The following GALNT18 variants were observed in gnomAD, a reference collection of about 807,000 sequenced individuals.
The protein encoded by GALNT18 is polypeptide N-acetylgalactosaminyltransferase 18, also known as GalNAc-transferase 18.
GALNT18 carries 44 observed loss-of-function variants against 69.5 expected under a neutral mutation model. That is an observed-to-expected ratio of 0.63 (90% CI 0.50 to 0.81). The LOEUF (loss-of-function observed/expected upper bound fraction) is 0.81. GALNT18 is among the 40% of genes least tolerant of loss of function. The pLI, the probability that GALNT18 is intolerant of heterozygous loss-of-function variation, is 0.00. For synonymous variants in GALNT18, 364 were observed against 318.2 expected (o/e 1.14, Z -1.53); for missense variants, 715 against 810.0 (o/e 0.88, Z 1.42).
At chr11:11,507,602 T>G (rs903934357) in intron 1 of GALNT18, among the ~76,000 whole-genome samples, 1 of 152,208 alleles carries the variant, frequency 6.6e-6, no homozygotes, top group Non-Finnish European at 1.5e-5. Context: ...TGTGAAATAT[T>G]TCTACAAACC....
intron 3 of GALNT18, among the ~76,000 whole-genome samples, chr11:11,423,032 C>T (rs920266006): frequency 2.6e-5 from 4 of 152,164 alleles, no homozygotes; most frequent in African/African-American, 7.2e-5. Flanking sequence ...TGCCCATGTG[C>T]CTGTATATGC....
chr11:11,569,066 T>C (rs1183554212), intron 1 of GALNT18, among the ~76,000 whole-genome samples: 3 of 152,200 alleles, frequency 2.0e-5, no homozygotes, highest in African/African-American at 7.2e-5. Flanking sequence ...TTGTATATTC[T>C]GTGGCCACCC....
intron 9 of GALNT18, among the ~76,000 whole-genome samples, chr11:11,308,695 A>G (rs1760883936): frequency 6.6e-6 from 1 of 152,156 alleles, no homozygotes; most frequent in African/African-American, 2.4e-5. Flanking sequence ...TGTAAAAAAC[A>G]TCTCCTCTGT....
At position 11,598,939 on chromosome 11, in the gene GALNT18, G is replaced by A. The variant is rs1590130076; in HGVS notation, c.235+22420C>T. ...TTCAATTACATTTCACGTGGCCAGAGAATGTACTTTGTTCATTTTAAAGGA... is the reference window on the plus strand; with the variant it reads ...TTCAATTACATTTCACGTGGCCAGAAAATGTACTTTGTTCATTTTAAAGGA... On this transcript the variant is annotated intron_variant, in intron 1 of 10. Transcript: ENST00000227756. The surrounding 1 kb of genome is among the most constrained non-coding windows in gnomAD (Gnocchi z 4.8). Among the ~76,000 whole-genome samples, 5 of 152,040 alleles carry A rather than the reference G, an allele frequency of 3.3e-5. No individual in the cohort carries two copies. Among genetic ancestry groups the A allele is most frequent in the Admixed American group, 3.3e-4 (5 of 15,266 alleles).
At position 11,276,144 on chromosome 11, in the gene GALNT18, T is replaced by C. The variant is rs147416095; in HGVS notation, c.1678-4854A>G. ...GGGCAGTATGGCCATTTTCATGATA[T>C]TGATTCTTCCCACCCATGAGCGTGG... On this transcript the variant is annotated intron_variant, in intron 10 of 10. Coordinates refer to ENST00000227756, the MANE Select transcript of GALNT18 (RefSeq NM_198516.3). Among the ~76,000 whole-genome samples the C allele has an allele frequency of 5.6e-3, 856 of 152,322 alleles. 8 individuals are homozygous for C. The highest frequency in any genetic ancestry group is 0.019 in the African/African-American group (801 of 41,560).
rs966225871 is a variant in GALNT18, at chr11:11,387,328, C to T, written c.596-8064G>A. Among the ~76,000 whole-genome samples, 87 of 152,180 alleles carry T rather than the reference C, an allele frequency of 5.7e-4. No homozygotes were observed. The highest frequency in any genetic ancestry group is 5.9e-5 in the Non-Finnish European group (4 of 68,006). On this transcript the variant is annotated intron_variant, in intron 3 of 10. Transcript: ENST00000227756. This position sits in a 1 kb window ranked among gnomAD's most constrained non-coding sequence, Gnocchi z 4.6. ...TTCTGCAGAGGCCACGGCTTTTTGT[C>T]CCATTGTGGCCACACCCCTCCTTCC...
intron 1 of GALNT18, among the ~76,000 whole-genome samples, chr11:11,567,167 A>G (rs1269641026): frequency 6.6e-6 from 1 of 152,212 alleles, no homozygotes; most frequent in Non-Finnish European, 1.5e-5. Context: ...TTGTCTGATC[A>G]AAGGCCACCT....
At position 11,619,692 on chromosome 11, in the gene GALNT18, G is replaced by A. The variant is rs898949693; in HGVS notation, c.235+1667C>T. Among the ~76,000 whole-genome samples, 1 of 152,178 alleles carries A rather than the reference G, an allele frequency of 6.6e-6. No homozygotes were observed. Among genetic ancestry groups the A allele is most frequent in the African/African-American group, 2.4e-5 (1 of 41,432 alleles). On this transcript the variant is annotated intron_variant, in intron 1 of 10. Transcript: ENST00000227756. The surrounding 1 kb of genome is among the most constrained non-coding windows in gnomAD (Gnocchi z 4.9). ...AAGGCATGGCTTTGTGTCTCCTGGGGAACATTCTGAATCACCCTGGGGGAA... is the reference window on the plus strand; with the variant it reads ...AAGGCATGGCTTTGTGTCTCCTGGGAAACATTCTGAATCACCCTGGGGGAA...
intron 10 of GALNT18, among the ~76,000 whole-genome samples, chr11:11,285,355 G>A (rs372636763): frequency 5.3e-5 from 8 of 152,248 alleles, no homozygotes; most frequent in East Asian, 3.9e-4. Context: ...ACCTTATAGC[G>A]CTATCATAGG....
chr11:11,429,528 C>T (rs1292541757), intron 3 of GALNT18, among the ~76,000 whole-genome samples: 2 of 152,188 alleles, frequency 1.3e-5, no homozygotes, highest in Non-Finnish European at 2.9e-5. Context: ...TGGGGTAGAA[C>T]TCAGGGAGGG....
chr11:11,340,848 C>T lies in GALNT18; in HGVS notation c.1249G>A (p.Val417Ile), dbSNP rs767429534. Residue 417 changes from valine to isoleucine, a missense_variant, in exon 7 of 11, where the codon GTC becomes ATC. Val to Ile is a conservative substitution (Grantham distance 29). Transcript: ENST00000227756. This position sits in a 1 kb window ranked among gnomAD's most constrained non-coding sequence, Gnocchi z 4.2. ...TGCGGTATGTTCCATGCCATGTAGA[C>T]GTGGCTTTTAAATTCATCCATCCAG... ...EVWMDEFKSHVYMAWNIPQED... is the reference protein window; with the variant it reads ...EVWMDEFKSHIYMAWNIPQED... 2.4e-5 allele frequency: 39 copies of T among 1,613,776 alleles called. No homozygotes were observed. The highest frequency in any genetic ancestry group is 3.1e-5 in the Non-Finnish European group (36 of 1,179,822).
rs1860170005 is a variant in GALNT18, at chr11:11,620,658, A to G, written c.235+701T>C. ...TCCAGTCTTGGGCGGAGTCATCACCACAGTGGACAGAGACTCCAGCGCTAC... is the reference window on the plus strand; with the variant it reads ...TCCAGTCTTGGGCGGAGTCATCACCGCAGTGGACAGAGACTCCAGCGCTAC... On this transcript the variant is annotated intron_variant, in intron 1 of 10. Transcript: ENST00000227756. The surrounding 1 kb of genome is among the most constrained non-coding windows in gnomAD (Gnocchi z 6.9). Among the ~76,000 whole-genome samples the G allele has an allele frequency of 6.6e-6, 1 of 152,120 alleles. No individual in the cohort carries two copies. The highest frequency in any genetic ancestry group is 2.4e-5 in the African/African-American group (1 of 41,438).
chr11:11,377,071 C>A lies in GALNT18; in HGVS notation c.977+111G>T. ...TGCAGTTCCTTTCGACCCTGCCCACCCCTGTCATCCCCACGATGGGGCTCA... is the reference window on the plus strand; with the variant it reads ...TGCAGTTCCTTTCGACCCTGCCCACACCTGTCATCCCCACGATGGGGCTCA... On this transcript the variant is annotated intron_variant, in intron 5 of 10. Coordinates refer to ENST00000227756, the MANE Select transcript of GALNT18 (RefSeq NM_198516.3). The surrounding 1 kb of genome is among the most constrained non-coding windows in gnomAD (Gnocchi z 4.6). The A allele has an allele frequency of 3.0e-6, 3 of 997,996 alleles. No individual in the cohort carries two copies. The highest frequency in any genetic ancestry group is 4.6e-6 in the Non-Finnish European group (3 of 655,150). 61.8% of individuals were successfully genotyped at this position (997,996 alleles called of 1,614,324 possible). A position where few individuals can be genotyped will look rare whatever the true frequency, so the allele number is the denominator to read the frequency against.
intron 1 of GALNT18, among the ~76,000 whole-genome samples, chr11:11,553,226 T>C (rs1858243706): frequency 6.6e-6 from 1 of 152,202 alleles, no homozygotes; most frequent in African/African-American, 2.4e-5. Context: ...TTCCTTTCTT[T>C]ATCCCACCGC....
chr11:11,437,884 A>G (rs1279773031), intron 2 of GALNT18, among the ~76,000 whole-genome samples: 1 of 152,124 alleles, frequency 6.6e-6, no homozygotes, highest in Non-Finnish European at 1.5e-5. Flanking sequence ...CTGGGAGTGG[A>G]GGTGGGGCCC....
At chr11:11,468,224 T>A (rs1856192891) in intron 1 of GALNT18, among the ~76,000 whole-genome samples, 1 of 152,256 alleles carries the variant, frequency 6.6e-6, no homozygotes, top group Admixed American at 6.5e-5. Context: ...AACTTATGAC[T>A]GCAAGGTCTG....
At chr11:11,557,053 TCAGGACA>T (rs963847835) in intron 1 of GALNT18, among the ~76,000 whole-genome samples, 13 of 152,196 alleles carry the variant, frequency 8.5e-5, no homozygotes, top group African/African-American at 3.1e-4. Context: ...CTAGACAGTC[TCAGGACA>T]CGGGACACTG....
intron 1 of GALNT18, among the ~76,000 whole-genome samples, chr11:11,585,838 A>T (rs1251792610): frequency 1.4e-5 from 2 of 142,684 alleles, no homozygotes; most frequent in Admixed American, 7.3e-5. Flanking sequence ...TTGCTTTGGA[A>T]ACTGCAATAG....
rs540065923 is a variant in GALNT18 at position 11,480,180 on chromosome 11, T to C, written c.236-31244A>G. On this transcript the variant is annotated intron_variant, in intron 1 of 10. Transcript: ENST00000227756. This position sits in a 1 kb window ranked among gnomAD's most constrained non-coding sequence, Gnocchi z 4.6. ...AAACATCATCTCCCAGAACAAGCCA[T>C]GGGTGGTAGCCACAAAATAAACTAA... Among the ~76,000 whole-genome samples the C allele has an allele frequency of 1.3e-5, 2 of 152,286 alleles. No individual in the cohort carries two copies. Among genetic ancestry groups the C allele is most frequent in the African/African-American group, 4.8e-5 (2 of 41,584 alleles).
Sources: gnomAD v4.1 joint callset for allele counts (sites outside exome capture counted in the v4.1 genomes callset) on GRCh38, gnomAD v4.1.1 for gene constraint, Gnocchi (gnomAD v3.1) non-coding constraint, MANE v1.5 for transcripts, NCBI Gene and HGNC (gene_info 2026-07-23, HGNC 2026-07-21) for gene names.